ARHGAP22: variants seen among roughly 807,000 people sequenced by gnomAD.
The protein encoded by ARHGAP22 is Rho GTPase activating protein 22, also known as rho GTPase-activating protein 22.
In ARHGAP22, 48 loss-of-function variants were observed where a neutral mutation model predicts 59.1. The ratio of observed to expected loss-of-function variants is 0.81; its 90% confidence interval spans 0.64 to 1.03. ARHGAP22 has a LOEUF of 1.03. Ranked by LOEUF, ARHGAP22 falls within the 50% of genes least tolerant of loss-of-function variation. The pLI is 0.00. For missense variants in ARHGAP22, 1,015 were observed against 958.7 expected (o/e 1.06, Z -0.78); for synonymous variants, 445 against 416.4 (o/e 1.07, Z -0.84).
At chr10:48,654,680 GTGTT>G (rs1256918570), upstream of ARHGAP22, among the ~76,000 whole-genome samples, 49 of 11,710 alleles carry the variant, frequency 4.2e-3, no homozygotes, top group East Asian at 0.44. Flanking sequence ...TGTGGTGTGT[GTGTT>G]TAAGTGTGTG....
intron 1 of ARHGAP22, among the ~76,000 whole-genome samples, chr10:48,594,227 G>A (rs938696951): frequency 2.0e-5 from 3 of 152,206 alleles, no homozygotes; most frequent in African/African-American, 7.2e-5. Flanking sequence ...ACAACGAACA[G>A]GCCAGGATGC....
intron 8 of ARHGAP22, among the ~76,000 whole-genome samples, chr10:48,453,081 G>A (rs751051700): frequency 8.5e-5 from 13 of 152,136 alleles, no homozygotes; most frequent in South Asian, 2.1e-4. Flanking sequence ...GCTGCCCATC[G>A]CAGGGCAAAG....
intron 4 of ARHGAP22, among the ~76,000 whole-genome samples, chr10:48,466,345 G>C (rs1359030918): frequency 6.6e-6 from 1 of 151,938 alleles, no homozygotes; most frequent in Non-Finnish European, 1.5e-5. Context: ...GGACGCCTCC[G>C]GTCCCTGTTT....
intron 3 of ARHGAP22, among the ~76,000 whole-genome samples, chr10:48,517,807 A>G (rs1221998131): frequency 1.3e-5 from 2 of 152,206 alleles, no homozygotes; most frequent in East Asian, 1.9e-4. Context: ...TCAGAGAATC[A>G]TCAAAGTTCA....
chr10:48,553,486 T>A (rs1209678118), intron 3 of ARHGAP22, among the ~76,000 whole-genome samples: 2 of 152,240 alleles, frequency 1.3e-5, no homozygotes, highest in African/African-American at 4.8e-5. Flanking sequence ...GGTAAGTGTG[T>A]AGCCCAGAAT....
intron 1 of ARHGAP22, among the ~76,000 whole-genome samples, chr10:48,587,282 G>T (rs1440796454): frequency 3.9e-5 from 6 of 152,212 alleles, no homozygotes; most frequent in Admixed American, 1.3e-4. Context: ...GCTGCATCAG[G>T]CCCTGGGAGG....
intron 1 of ARHGAP22, among the ~76,000 whole-genome samples, chr10:48,584,478 C>T (rs1281765644): frequency 6.6e-6 from 1 of 152,224 alleles, no homozygotes; most frequent in African/African-American, 2.4e-5. Context: ...CCTACCAGGA[C>T]AGGTGGCCCA....
chr10:48,434,921 A>G, the ARHGAP22 span: 7 of 1,613,428 alleles, frequency 4.3e-6, no homozygotes, highest in Non-Finnish European at 5.9e-6. Flanking sequence ...ATCCATCATC[A>G]TCGTCGTCTG....
At chr10:48,557,631 C>T (rs974020978) in intron 2 of ARHGAP22, among the ~76,000 whole-genome samples, 5 of 152,228 alleles carry the variant, frequency 3.3e-5, no homozygotes, top group African/African-American at 1.2e-4. Flanking sequence ...TTACTCTTTG[C>T]TTCCCTATCT....
At chr10:48,482,639 G>T (rs1394506538) in intron 3 of ARHGAP22, among the ~76,000 whole-genome samples, 1 of 151,946 alleles carries the variant, frequency 6.6e-6, no homozygotes, top group Non-Finnish European at 1.5e-5. Context: ...TTTCTAATTT[G>T]CTGAGAGGTT....
At chr10:48,649,891 G>T (rs577812169) in intron 1 of ARHGAP22, among the ~76,000 whole-genome samples, 4 of 152,020 alleles carry the variant, frequency 2.6e-5, no homozygotes, top group East Asian at 3.9e-4. Context: ...ACAATTGAAC[G>T]CATAAGGACC....
intron 1 of ARHGAP22, among the ~76,000 whole-genome samples, chr10:48,586,689 T>C (rs770366892): frequency 6.6e-6 from 1 of 152,230 alleles, no homozygotes; most frequent in Non-Finnish European, 1.5e-5. Flanking sequence ...TACTCCATAA[T>C]TTAGTAGGTA....
chr10:48,480,612 G>A (rs2134086466), intron 3 of ARHGAP22, among the ~76,000 whole-genome samples: 1 of 152,318 alleles, frequency 6.6e-6, no homozygotes, highest in Non-Finnish European at 1.5e-5. Context: ...GTGACCCAGG[G>A]ATGGAGAGCA....
At chr10:48,495,327 G>A (rs1209334006) in intron 3 of ARHGAP22, among the ~76,000 whole-genome samples, 2 of 152,172 alleles carry the variant, frequency 1.3e-5, no homozygotes, top group Non-Finnish European at 2.9e-5. Flanking sequence ...AAGCTTTCGT[G>A]TTTTATCTCG....
intron 4 of ARHGAP22, among the ~76,000 whole-genome samples, chr10:48,464,048 C>T (rs1010210112): frequency 2.0e-5 from 3 of 152,210 alleles, no homozygotes; most frequent in African/African-American, 7.2e-5. Flanking sequence ...CTCCTACCCC[C>T]AAAACTCCTG....
chr10:48,530,236 C>CAAAAAAAAA (rs60902650), intron 3 of ARHGAP22, among the ~76,000 whole-genome samples: 24 of 49,026 alleles, frequency 4.9e-4, no homozygotes, highest in South Asian at 1.4e-3. Flanking sequence ...GACTCCATTG[C>CAAAAAAAAA]AAAAAAAAAA....
upstream of ARHGAP22, among the ~76,000 whole-genome samples, chr10:48,606,872 G>A (rs1380488236): frequency 6.6e-6 from 1 of 152,118 alleles, no homozygotes; most frequent in Non-Finnish European, 1.5e-5. Flanking sequence ...CGCCCTCCCT[G>A]AGCCCCAGGC....
chr10:48,641,669 CT>C (rs1390118052), intron 1 of ARHGAP22, among the ~76,000 whole-genome samples: 1 of 152,160 alleles, frequency 6.6e-6, no homozygotes, highest in African/African-American at 2.4e-5. Context: ...GAAGCATTCC[CT>C]TTGAAAACTG....
At chr10:48,655,054 C>CTTTCTTTCTTTCTTTCTCCT (rs1309930149), upstream of ARHGAP22, among the ~76,000 whole-genome samples, 6 of 61,616 alleles carry the variant, frequency 9.7e-5, no homozygotes, top group African/African-American at 4.0e-4. Context: ...TTCTTTCTTT[C>CTTTCTTTCTTTCTTTCTCCT]TCCTTCCTTC....
Sources: allele counts gnomAD v4.1 joint callset (sites outside exome capture counted in the v4.1 genomes callset), GRCh38; gene constraint gnomAD v4.1.1; transcripts MANE v1.5; gene names NCBI Gene and HGNC (gene_info 2026-07-23, HGNC 2026-07-21).